The following NRXN3 variants were observed in gnomAD, a reference collection of about 807,000 sequenced individuals.
NRXN3 encodes the protein neurexin 3.
NRXN3 carries 32 observed loss-of-function variants against 137.6 expected under a neutral mutation model. The observed-to-expected ratio is 0.23, with a 90% confidence interval of 0.18 to 0.31. The LOEUF (loss-of-function observed/expected upper bound fraction) is 0.31. NRXN3 is among the 10% of genes least tolerant of loss of function. NRXN3 has a pLI of 1.00. For synonymous variants in NRXN3, 798 were observed against 784.5 expected, an observed-to-expected ratio of 1.02 and a Z score of -0.29; for missense variants, 1,574 against 2,062.5, an observed-to-expected ratio of 0.76 and a Z score of 4.59.
At chr14:78,929,457 A>G (rs1212799358) in intron 10 of NRXN3, among the ~76,000 whole-genome samples, 2 of 152,118 alleles carry the variant, frequency 1.3e-5, no homozygotes, top group Non-Finnish European at 2.9e-5. Context: ...AACATGCAGT[A>G]TTCAGTTTTC....
intron 15 of NRXN3, among the ~76,000 whole-genome samples, chr14:79,434,705 G>T (rs1412626616): frequency 6.6e-6 from 1 of 152,162 alleles, no homozygotes; most frequent in Non-Finnish European, 1.5e-5. Context: ...GGTGGGGAGG[G>T]TCCCCTGTGA....
intron 15 of NRXN3, among the ~76,000 whole-genome samples, chr14:79,048,866 T>A (rs1391407319): frequency 1.4e-5 from 2 of 147,524 alleles, no homozygotes; most frequent in African/African-American, 5.0e-5. Flanking sequence ...CTACTAAAAA[T>A]ACAAAAATTA....
chr14:78,478,142 C>T (rs1018751445), intron 4 of NRXN3, among the ~76,000 whole-genome samples: 6 of 152,084 alleles, frequency 3.9e-5, no homozygotes, highest in East Asian at 1.9e-4. Flanking sequence ...GATAGTCAAA[C>T]GTTTCTGCTC....
intron 15 of NRXN3, among the ~76,000 whole-genome samples, chr14:79,175,333 T>TAAG (rs924612987): frequency 1.3e-5 from 2 of 152,172 alleles, no homozygotes; most frequent in African/African-American, 2.4e-5. Context: ...TAGCATAAAC[T>TAAG]AAGTTTAACA....
intron 19 of NRXN3, among the ~76,000 whole-genome samples, chr14:79,792,221 G>T (rs149796093): frequency 6.6e-6 from 1 of 152,108 alleles, no homozygotes; most frequent in African/African-American, 2.4e-5. Flanking sequence ...ACTACAAGCT[G>T]GGAGGAAATC....
chr14:79,832,526 C>A (rs989842894), intron 20 of NRXN3, among the ~76,000 whole-genome samples: 3 of 152,240 alleles, frequency 2.0e-5, no homozygotes, highest in African/African-American at 7.2e-5. Context: ...TGTCAATTGT[C>A]TGGAGATGTT....
chr14:79,443,821 C>CA (rs1337634899), intron 15 of NRXN3, among the ~76,000 whole-genome samples: 2 of 152,224 alleles, frequency 1.3e-5, no homozygotes, highest in African/African-American at 4.8e-5. Context: ...AACTTGCACT[C>CA]ACCCTAATTC....
At chr14:79,552,334 C>T (rs1378863113) in intron 16 of NRXN3, among the ~76,000 whole-genome samples, 3 of 152,092 alleles carry the variant, frequency 2.0e-5, no homozygotes, top group East Asian at 3.9e-4. Context: ...GGAAGTAGCC[C>T]AGCATTCTTG....
At chr14:79,226,814 C>CTTTTTT (rs3035642) in intron 15 of NRXN3, among the ~76,000 whole-genome samples, 1 of 98,478 alleles carries the variant, frequency 1.0e-5, no homozygotes, top group Non-Finnish European at 2.0e-5. Flanking sequence ...TCCTTTTTTT[C>CTTTTTT]TTTTTTTTTT....
intron 20 of NRXN3, among the ~76,000 whole-genome samples, chr14:79,856,167 C>T (rs989835657): frequency 1.3e-5 from 2 of 152,142 alleles, no homozygotes; most frequent in African/African-American, 4.8e-5. Context: ...TAGAAATTCT[C>T]ATCCTGTTAA....
chr14:78,843,098 G>C (rs779103887), intron 10 of NRXN3, among the ~76,000 whole-genome samples: 5 of 152,066 alleles, frequency 3.3e-5, no homozygotes, highest in Non-Finnish European at 7.4e-5. Flanking sequence ...AAATCACAAG[G>C]GTATTGATTG....
intron 15 of NRXN3, among the ~76,000 whole-genome samples, chr14:79,010,297 A>G (rs749494251): frequency 1.1e-4 from 16 of 152,146 alleles, no homozygotes; most frequent in Admixed American, 3.3e-4. Context: ...ATCTCTTTCT[A>G]TGTTAGCTCA....
intron 1 of NRXN3, among the ~76,000 whole-genome samples, chr14:78,225,954 TGTGTGTGTGTGTGTGTGTTG>T (rs1207042051): frequency 1.6e-5 from 2 of 128,206 alleles, no homozygotes; most frequent in African/African-American, 6.6e-5. Flanking sequence ...GTTTTTTTGG[TGTGTGTGTGTGTGTGTGTTG>T]GTGTGTGTGT....
At chr14:79,094,854 A>G (rs1167532273) in intron 15 of NRXN3, among the ~76,000 whole-genome samples, 5 of 152,056 alleles carry the variant, frequency 3.3e-5, no homozygotes, top group South Asian at 2.1e-4. Context: ...GTTGAAAGCA[A>G]TAGAGAAGAT....
chr14:79,266,631 G>A (rs1403447222), intron 15 of NRXN3, among the ~76,000 whole-genome samples: 2 of 152,144 alleles, frequency 1.3e-5, no homozygotes, highest in Non-Finnish European at 2.9e-5. Context: ...TGGAGTATCA[G>A]GAAATGTACA....
intron 15 of NRXN3, among the ~76,000 whole-genome samples, chr14:79,062,897 A>G (rs567605249): frequency 5.9e-5 from 9 of 152,344 alleles, no homozygotes; most frequent in South Asian, 2.1e-4. Flanking sequence ...TGGTTTTACC[A>G]TATTAGCAAT....
intron 15 of NRXN3, among the ~76,000 whole-genome samples, chr14:79,464,562 G>T (rs1381878341): frequency 6.6e-6 from 1 of 152,156 alleles, no homozygotes; most frequent in Non-Finnish European, 1.5e-5. Context: ...GCTTAAAGTT[G>T]TTGATATGGT....
At chr14:79,331,409 C>T (rs992546035) in intron 15 of NRXN3, among the ~76,000 whole-genome samples, 2 of 152,004 alleles carry the variant, frequency 1.3e-5, no homozygotes, top group African/African-American at 4.8e-5. Flanking sequence ...ACCTATAAAC[C>T]CAGAAAAATA....
rs1412368658 is a variant in NRXN3, at chr14:79,832,533, T to C, written c.4093+27343T>C. Reference sequence around the variant, plus strand: ...GGACATATTGTCAATTGTCTGGAGATGTTTTTGATTGCCACAACTGGGAAG... The same window carrying C: ...GGACATATTGTCAATTGTCTGGAGACGTTTTTGATTGCCACAACTGGGAAG... On this transcript the variant is annotated intron_variant, in intron 20 of 20. Coordinates refer to ENST00000335750, the MANE Select transcript of NRXN3 (RefSeq NM_001330195.2). Among the ~76,000 whole-genome samples, 6 of 152,282 alleles carry C rather than the reference T, an allele frequency of 3.9e-5. No homozygotes were observed. The South Asian group carries it at 1.0e-3, about 26-fold the overall frequency.
Sources: gnomAD v4.1 joint callset for allele counts (sites outside exome capture counted in the v4.1 genomes callset) on GRCh38, gnomAD v4.1.1 for gene constraint, MANE v1.5 for transcripts, NCBI Gene and HGNC (gene_info 2026-07-23, HGNC 2026-07-21) for gene names.